Variants in RSRC1 observed in about 807,000 individuals in gnomAD.
RSRC1 encodes the protein serine/Arginine-related protein 53.
Under a neutral mutation model 49.1 loss-of-function variants are expected in RSRC1, and 39 were observed. The ratio of observed to expected loss-of-function variants is 0.79; its 90% CI spans 0.61 to 1.04. RSRC1 has a LOEUF of 1.04. RSRC1 is among the 50% of genes least tolerant of loss of function. The probability of loss-of-function intolerance (pLI) is 0.00; values close to 1 mark genes in which losing one functional copy is unlikely to be tolerated. For missense variants in RSRC1, 388 were observed against 402.4 expected (o/e 0.96, Z 0.31); for synonymous variants, 143 against 130.8 (o/e 1.09, Z -0.63).
At chr3:158,469,637 C>A (rs1167085538) in intron 7 of RSRC1, 1 of 152,978 alleles carries the variant, frequency 6.5e-6, no homozygotes, top group Non-Finnish European at 1.5e-5. Flanking sequence ...GTCAAGTTAT[C>A]TTACATTTAA....
intron 4 of RSRC1, among the ~76,000 whole-genome samples, chr3:158,215,247 T>C (rs1442788281): frequency 7.9e-5 from 12 of 151,704 alleles, no homozygotes. Flanking sequence ...TCATTTACTT[T>C]TTAACATGCT....
At chr3:158,267,409 A>G (rs2108047755) in intron 4 of RSRC1, among the ~76,000 whole-genome samples, 1 of 150,144 alleles carries the variant, frequency 6.7e-6, no homozygotes, top group East Asian at 2.0e-4. Flanking sequence ...AAATTTGAGA[A>G]CTTTTATGCT....
chr3:158,180,928 C>G (rs1719579035), intron 3 of RSRC1, among the ~76,000 whole-genome samples: 1 of 151,448 alleles, frequency 6.6e-6, no homozygotes, highest in Non-Finnish European at 1.5e-5. Context: ...CTTTAGTCTC[C>G]CGAGTAGCTG....
chr3:158,220,727 G>T (rs992570150), intron 4 of RSRC1, among the ~76,000 whole-genome samples: 2 of 151,298 alleles, frequency 1.3e-5, no homozygotes, highest in South Asian at 2.1e-4. Flanking sequence ...CTTTTAATCT[G>T]CCCATGAGGA....
chr3:158,295,638 ATTACATTTGG>A (rs916956025), intron 4 of RSRC1, among the ~76,000 whole-genome samples: 2 of 152,060 alleles, frequency 1.3e-5, no homozygotes, highest in Non-Finnish European at 2.9e-5. Flanking sequence ...CCTATGGTTG[ATTACATTTGG>A]TTACATTTGA....
intron 6 of RSRC1, among the ~76,000 whole-genome samples, chr3:158,418,809 G>C (rs1348802352): frequency 1.3e-5 from 2 of 151,878 alleles, no homozygotes; most frequent in East Asian, 3.9e-4. Context: ...AAAATTCTTG[G>C]TAGTGTTGCT....
chr3:158,111,803 CTT>C (rs1714429371), intron 1 of RSRC1, among the ~76,000 whole-genome samples: 1 of 152,126 alleles, frequency 6.6e-6, no homozygotes, highest in Admixed American at 6.5e-5. Context: ...CTTTGGAAAT[CTT>C]TGTTCTTCAA....
chr3:158,484,014 A>G (rs925197993), intron 7 of RSRC1, among the ~76,000 whole-genome samples: 3 of 152,228 alleles, frequency 2.0e-5, no homozygotes, highest in Non-Finnish European at 2.9e-5. Flanking sequence ...TCGCTTCCCA[A>G]TTTGTTCCTC....
chr3:158,192,435 C>G (rs1244831584), intron 3 of RSRC1, among the ~76,000 whole-genome samples: 4 of 151,944 alleles, frequency 2.6e-5, no homozygotes, highest in African/African-American at 9.7e-5. Flanking sequence ...TAGTAGAGTC[C>G]TTGTGTTAGG....
At chr3:158,314,813 G>A (rs972824506) in intron 5 of RSRC1, among the ~76,000 whole-genome samples, 10 of 152,180 alleles carry the variant, frequency 6.6e-5, no homozygotes, top group East Asian at 1.9e-4. Context: ...AGTAAAGTTC[G>A]AGACCAGCCT....
At chr3:158,200,805 G>A (rs1203310954) in intron 3 of RSRC1, among the ~76,000 whole-genome samples, 1 of 151,994 alleles carries the variant, frequency 6.6e-6, no homozygotes, top group Non-Finnish European at 1.5e-5. Flanking sequence ...TTCTATAGAG[G>A]TTATTTGTAT....
chr3:158,453,230 T>A (rs1413143976), intron 6 of RSRC1, among the ~76,000 whole-genome samples: 8 of 151,998 alleles, frequency 5.3e-5, no homozygotes, highest in African/African-American at 1.9e-4. Context: ...TTCAAACTCT[T>A]GTGCACACAT....
chr3:158,252,351 G>A (rs2108015500), intron 4 of RSRC1, among the ~76,000 whole-genome samples: 1 of 151,138 alleles, frequency 6.6e-6, no homozygotes, highest in African/African-American at 2.4e-5. Context: ...TTTTTAAGTA[G>A]AGATGGGGTT....
At chr3:158,275,630 T>C (rs1725763497) in intron 4 of RSRC1, among the ~76,000 whole-genome samples, 1 of 152,216 alleles carries the variant, frequency 6.6e-6, no homozygotes, top group Non-Finnish European at 1.5e-5. Context: ...AAGTTTATCC[T>C]ATTAGAAACA....
At chr3:158,393,057 C>T (rs573946559) in intron 6 of RSRC1, among the ~76,000 whole-genome samples, 56 of 152,048 alleles carry the variant, frequency 3.7e-4, no homozygotes, top group Non-Finnish European at 7.9e-4. Flanking sequence ...AATTAAACAA[C>T]CTGCTTCTTT....
At position 158,254,259 on chromosome 3, in the gene RSRC1, A is replaced by G. The variant is rs559788106; in HGVS notation, c.495-43780A>G. On this transcript the variant is annotated intron_variant, in intron 4 of 9. Coordinates refer to ENST00000611884, the MANE Select transcript of RSRC1 (RefSeq NM_001271838.2). ...CTGTGTTTTTATAGTAGCATGATTT[A>G]TAATCCTTTGGGTATATACCCAGTA... Among the ~76,000 whole-genome samples the G allele has an allele frequency of 3.3e-5, 5 of 152,356 alleles. No homozygotes were observed. The South Asian group carries it at 8.3e-4, about 25-fold the overall frequency.
intron 4 of RSRC1, among the ~76,000 whole-genome samples, chr3:158,246,397 T>TTA (rs1723897134): frequency 6.8e-6 from 1 of 148,048 alleles, no homozygotes; most frequent in Non-Finnish European, 1.5e-5. Context: ...TAAAGTATAA[T>TTA]AAAAAAAAAA....
At chr3:158,156,562 A>C (rs1717891396) in intron 3 of RSRC1, among the ~76,000 whole-genome samples, 1 of 152,188 alleles carries the variant, frequency 6.6e-6, no homozygotes, top group Non-Finnish European at 1.5e-5. Context: ...GCAAAGCTTA[A>C]TCATTTCTAG....
chr3:158,115,627 A>G (rs1714746575), intron 1 of RSRC1, among the ~76,000 whole-genome samples: 1 of 152,212 alleles, frequency 6.6e-6, no homozygotes, highest in African/African-American at 2.4e-5. Context: ...GATATGAAAA[A>G]TAACTGTGTT....
Sources: gnomAD v4.1 joint callset for allele counts (sites outside exome capture counted in the v4.1 genomes callset) on GRCh38, gnomAD v4.1.1 for gene constraint, MANE v1.5 for transcripts, NCBI Gene and HGNC (gene_info 2026-07-23, HGNC 2026-07-21) for gene names.